NAXD: variants seen among roughly 807,000 people sequenced by gnomAD.
NAXD encodes NAD(P)HX dehydratase.
In NAXD, 22 loss-of-function variants were observed where a neutral mutation model predicts 35.8. The observed-to-expected ratio is 0.62, with a 90% CI of 0.44 to 0.88. The LOEUF is 0.88. NAXD is among the 40% of genes least tolerant of loss of function. The pLI is 0.00. For synonymous variants in NAXD, 189 were observed against 177.6 expected (o/e 1.06, Z -0.51); for missense variants, 428 against 437.7 (o/e 0.98, Z 0.20).
chr13:110,626,972 A>C (rs187081907), intron 4 of NAXD, among the ~76,000 whole-genome samples: 10 of 152,358 alleles, frequency 6.6e-5, no homozygotes, highest in African/African-American at 2.4e-4. Context: ...AAACGGGCTA[A>C]CTTTAGAGGG....
At chr13:110,627,387 A>G (rs1886524399) in intron 4 of NAXD, 52 bp from the exon 5 acceptor site, 3 of 1,121,130 alleles carry the variant, frequency 2.7e-6, no homozygotes, top group East Asian at 2.4e-5. Context: ...ACATGACAGT[A>G]AGTAAATGAG....
chr13:110,633,599 GTTTAATGTTTTCTAT>G (rs1281538999), intron 5 of NAXD, among the ~76,000 whole-genome samples: 1 of 152,204 alleles, frequency 6.6e-6, no homozygotes, highest in Non-Finnish European at 1.5e-5. Context: ...CTCTCATTTT[GTTTAATGTTTTCTAT>G]TTTAATGTTT....
rs28384427 is a variant in NAXD, at chr13:110,615,704, C to G, written c.46+57C>G. ...TCACACGCGCGGGGGCCGGAACTGC[C>G]GTCGCCGGCGCGGTCGTTGTCGCAT... is the stretch of plus-strand genomic sequence containing the variant. On this transcript the variant is annotated intron_variant, in intron 1 of 9. Coordinates refer to ENST00000680254, the MANE Select transcript of NAXD (RefSeq NM_001242882.2). The G allele has an allele frequency of 2.6e-6, 4 of 1,518,518 alleles. No individual in the cohort carries two copies. The East Asian group carries it at 8.3e-5, about 32-fold the overall frequency. 94.1% of individuals were successfully genotyped at this position (1,518,518 alleles called of 1,614,324 possible).
In NAXD at chr13:110,615,629, A is replaced by G. The variant is rs371855009; in HGVS notation, c.28A>G (p.Ile10Val). 1.8e-5 allele frequency: 27 copies of G among 1,482,624 alleles called. No individual in the cohort carries two copies. Among genetic ancestry groups the G allele is most frequent in the African/African-American group, 5.8e-5 (4 of 68,676 alleles). The allele number at this position is 1,482,624 out of a possible 1,614,324, so 91.8% of individuals were successfully genotyped here. A position where few individuals can be genotyped will look rare whatever the true frequency, so the allele number is the denominator to read the frequency against. The change falls in exon 1 of 10, where the codon ATC becomes GTC. Residue 10 changes from isoleucine (I) to valine (V), a missense_variant. Ile to Val is a conservative substitution (Grantham distance 29, BLOSUM62 3). Around this residue, in one of 3 missense-constraint regions of NAXD, gnomAD observed 208 missense variants for 193.0 expected, o/e 1.08. Coordinates refer to ENST00000680254, the MANE Select transcript of NAXD (RefSeq NM_001242882.2). Reference sequence around the variant, plus strand: ...GGCCCTGGGTCCTCGCTGTGGGGCAATCCGGGCTTGCAGACGAGGTAAGGT... The same window carrying G: ...GGCCCTGGGTCCTCGCTGTGGGGCAGTCCGGGCTTGCAGACGAGGTAAGGT... MALGPRCGA[I>V]RACRRVLERA...
chr13:110,637,346 T>A lies in NAXD; in HGVS notation c.839+97T>A, dbSNP rs184339299. ...GTTGAATAAGTAGCCCTGGAAACAC[T>A]GACAATGAACTCTAGGCTTCACTGG... On this transcript the variant is annotated intron_variant, in intron 9 of 9. Transcript: ENST00000680254. The A allele has an allele frequency of 6.3e-6, 9 of 1,423,922 alleles. No individual in the cohort carries two copies. The Admixed American group carries it at 1.2e-4, about 19-fold the overall frequency. 88.2% of individuals were successfully genotyped at this position (1,423,922 alleles called of 1,614,324 possible). A position where few individuals can be genotyped will look rare whatever the true frequency, so the allele number is the denominator to read the frequency against.
At chr13:110,626,590 C>G (rs113918761) in intron 4 of NAXD, among the ~76,000 whole-genome samples, 5 of 151,960 alleles carry the variant, frequency 3.3e-5, no homozygotes, top group African/African-American at 1.2e-4. Context: ...ACTTGGCACT[C>G]AGATGCTGGG....
chr13:110,636,958 A>C (rs929966909), intron 8 of NAXD, among the ~76,000 whole-genome samples, 171 bp from the exon 9 acceptor site: 1 of 152,258 alleles, frequency 6.6e-6, no homozygotes, highest in East Asian at 1.9e-4. Flanking sequence ...GGCTGCCTCC[A>C]ACCCTTGGAA....
intron 9 of NAXD, among the ~76,000 whole-genome samples, chr13:110,637,955 T>C (rs146677571): frequency 6.6e-6 from 1 of 152,198 alleles, no homozygotes; most frequent in East Asian, 1.9e-4. Context: ...TTCATTCTGC[T>C]GTGTTCACTC....
intron 7 of NAXD, 30 bp downstream of exon 7, chr13:110,634,806 T>C (rs1886859954): frequency 6.5e-7 from 1 of 1,540,838 alleles, no homozygotes; most frequent in African/African-American, 1.4e-5. Flanking sequence ...GGAGGGTAGA[T>C]GCAAGCCCTG....
chr13:110,632,634 TAC>T (rs1169650683), intron 5 of NAXD, among the ~76,000 whole-genome samples: 2 of 152,110 alleles, frequency 1.3e-5, no homozygotes, highest in African/African-American at 4.8e-5. Context: ...AGCATCTAGA[TAC>T]AGAGTGTCGA....
chr13:110,638,254 C>A lies in NAXD; in HGVS notation c.840-124C>A. 6.3e-7 allele frequency: 1 copy of A among 1,575,608 alleles called. No individual in the cohort carries two copies. The highest frequency in any genetic ancestry group is 8.6e-7 in the Non-Finnish European group (1 of 1,161,698). On this transcript the variant is annotated intron_variant, in intron 9 of 9. Transcript: ENST00000680254. This position sits in a 1 kb window ranked among gnomAD's most constrained non-coding sequence, Gnocchi z 5.4. Reference sequence around the variant, plus strand: ...GCTTTCTCCTCAGGGGCATATCAGACTTGAAATTGACAATTTGGGGTCCTG... The same window carrying A: ...GCTTTCTCCTCAGGGGCATATCAGAATTGAAATTGACAATTTGGGGTCCTG...
At chr13:110,636,808 G>C (rs909506464) in intron 8 of NAXD, among the ~76,000 whole-genome samples, 2 of 152,212 alleles carry the variant, frequency 1.3e-5, no homozygotes, top group Admixed American at 1.3e-4. Flanking sequence ...GGCTGGCGCC[G>C]CCCTGCTCAG....
intron 2 of NAXD, among the ~76,000 whole-genome samples, chr13:110,623,917 G>T (rs1431824379): frequency 1.3e-5 from 2 of 151,340 alleles, no homozygotes; most frequent in Admixed American, 1.3e-4. Flanking sequence ...CAGGAGAATC[G>T]CTTGAACCCA....
At chr13:110,620,722 A>G (rs1346749125) in intron 1 of NAXD, among the ~76,000 whole-genome samples, 1 of 152,244 alleles carries the variant, frequency 6.6e-6, no homozygotes, top group Non-Finnish European at 1.5e-5. Flanking sequence ...TTGAGTAAAA[A>G]GTAAAACTGT....
At chr13:110,634,522 A>T in intron 5 of NAXD, 23 bp from the exon 6 acceptor site, 1 of 1,613,376 alleles carries the variant, frequency 6.2e-7, no homozygotes, top group Non-Finnish European at 8.5e-7. Flanking sequence ...CATGGTGCTC[A>T]GTCTGGTTTT....
intron 7 of NAXD, 49 bp from the exon 8 acceptor site, chr13:110,635,419 G>A (rs1273535335): frequency 6.3e-7 from 1 of 1,599,102 alleles, no homozygotes; most frequent in South Asian, 1.1e-5. Context: ...CTGTCGTCGT[G>A]TGTCTGAGGA....
At chr13:110,619,887 C>T (rs1042074687) in intron 1 of NAXD, among the ~76,000 whole-genome samples, 1 of 152,154 alleles carries the variant, frequency 6.6e-6, no homozygotes, top group Non-Finnish European at 1.5e-5. Context: ...CAGCCTCCAC[C>T]TTCTGGGTTC....
chr13:110,623,237 A>T (rs1158232813), intron 2 of NAXD, among the ~76,000 whole-genome samples: 1 of 152,150 alleles, frequency 6.6e-6, no homozygotes, highest in African/African-American at 2.4e-5. Context: ...CGCTATTGAC[A>T]CCGCTTTGCA....
rs990005306 is a variant in NAXD at position 110,638,970 on chromosome 13, G to A, written c.*442G>A. 5 of 354,332 alleles carry A rather than the reference G, an allele frequency of 1.4e-5. No individual in the cohort carries two copies. Among genetic ancestry groups the A allele is most frequent in the South Asian group, 2.2e-5 (1 of 45,942 alleles). 21.9% of individuals were successfully genotyped at this position (354,332 alleles called of 1,614,324 possible). A position where few individuals can be genotyped will look rare whatever the true frequency, so the allele number is the denominator to read the frequency against. On this transcript the variant is annotated 3_prime_UTR_variant, in exon 10 of 10. Coordinates refer to ENST00000680254, the MANE Select transcript of NAXD (RefSeq NM_001242882.2). This position sits in a 1 kb window ranked among gnomAD's most constrained non-coding sequence, Gnocchi z 5.4. ...GGCAGGGAGCTGGGCAGGGGTCCCC[G>A]GGTGTCTCCCTGAGTCCCGACTGCA...
Sources: gnomAD v4.1 joint callset for allele counts (sites outside exome capture counted in the v4.1 genomes callset) on GRCh38, gnomAD v4.1.1 for gene constraint, gnomAD v4.1.1 regional missense constraint, Gnocchi (gnomAD v3.1) non-coding constraint, MANE v1.5 for transcripts, NCBI Gene and HGNC (gene_info 2026-07-23, HGNC 2026-07-21) for gene names.